Variants in CILP2 observed in about 807,000 individuals in gnomAD.
CILP2 encodes the protein CILP-2.
Under a neutral mutation model 45.6 loss-of-function variants are expected in CILP2, and 38 were observed. The observed-to-expected ratio is 0.83, with a 90% CI of 0.64 to 1.09. The LOEUF (loss-of-function observed/expected upper bound fraction) is 1.09, where lower values mean the gene tolerates loss of function less well. CILP2 is among the 50% of genes least tolerant of loss of function. The pLI is 0.00. For missense variants in CILP2, 1,735 were observed against 1,662.2 expected (o/e 1.04, Z -0.76); for synonymous variants, 780 against 723.5 (o/e 1.08, Z -1.25).
In CILP2 at chr19:19,540,199, C is replaced by A; in HGVS notation, c.164-5C>A. The A allele has an allele frequency of 6.3e-7, 1 of 1,578,280 alleles. No individual in the cohort carries two copies. The highest frequency in any genetic ancestry group is 1.1e-5 in the South Asian group (1 of 88,090). The stretch of plus-strand genomic sequence containing the variant: ...CCCTGGTCCCAGCGCGTGCGGTGCC[C>A]GCAGAGGCCAGCGAGTGGACGTCCT... On this transcript the variant is annotated splice_polypyrimidine_tract_variant and splice_region_variant and intron_variant, in intron 2 of 7. Transcript: ENST00000291495.
In CILP2 at chr19:19,544,470, T is replaced by A; in HGVS notation, c.1925T>A (p.Met642Lys). ...GELAPLRTYG[M>K]FSVDLRAPGS... ...CTGGCTCCACTGCGCACCTACGGCATGTTCTCCGTGGACCTCCGTGCGCCC... is the reference window on the plus strand; with the variant it reads ...CTGGCTCCACTGCGCACCTACGGCAAGTTCTCCGTGGACCTCCGTGCGCCC... Residue 642 changes from methionine to lysine, a missense_variant, in exon 8 of 8, where the codon ATG becomes AAG. Physicochemically the swap from Met to Lys is moderately conservative, Grantham distance 95. Coordinates refer to ENST00000291495, the MANE Select transcript of CILP2 (RefSeq NM_153221.2). The A allele has an allele frequency of 6.2e-7, 1 of 1,608,186 alleles. No individual in the cohort carries two copies.
rs557693665 is a variant in CILP2 at position 19,538,275 on chromosome 19, G to A, written c.-75G>A. ...CCCGCCCCCACTCTCAGTCCCAGCG[G>A]CCGCCAGACCCGCCGGAGTTGGACC... On this transcript the variant is annotated 5_prime_UTR_variant, in exon 1 of 8. Transcript: ENST00000291495. 1.4e-6 allele frequency: 2 copies of A among 1,406,046 alleles called. No homozygotes were observed. The highest frequency in any genetic ancestry group is 1.2e-5 in the South Asian group (1 of 80,832). The allele number at this position is 1,406,046 out of a possible 1,614,324, so 87.1% of individuals were successfully genotyped here.
At chr19:19,543,597 C>G in intron 7 of CILP2, 84 bp from the exon 8 acceptor site, 1 of 1,434,466 alleles carries the variant, frequency 7.0e-7, no homozygotes, top group African/African-American at 1.4e-5. Context: ...TAGGTGGAGT[C>G]CTTGACTGCA....
chr19:19,543,109 C>T, intron 6 of CILP2, 137 bp downstream of exon 6: 1 of 1,045,620 alleles, frequency 9.6e-7, no homozygotes, highest in Non-Finnish European at 1.4e-6. Flanking sequence ...GAGGGACTAC[C>T]AAGGAGGCTG....
At chr19:19,540,765 C>G (rs1192282211) in intron 3 of CILP2, 2 of 457,214 alleles carry the variant, frequency 4.4e-6, no homozygotes, top group Non-Finnish European at 7.6e-6. Context: ...CTCCCTCCCG[C>G]TGCCCTCATT....
In CILP2 at chr19:19,544,553, A is replaced by C; in HGVS notation, c.2008A>C (p.Ile670Leu). Residue 670 changes from isoleucine to leucine, a missense_variant, in exon 8 of 8, where the codon ATC becomes CTC. Ile to Leu is a conservative substitution (Grantham distance 5). Transcript: ENST00000291495. ...PVAVRVAASQ[I>L]HMPGHVEALK... ...GGCCGTGCGGGTGGCCGCCAGCCAG[A>C]TCCACATGCCAGGCCACGTGGAGGC... 6.3e-7 allele frequency: 1 copy of C among 1,580,412 alleles called. No homozygotes were observed. The highest frequency in any genetic ancestry group is 8.6e-7 in the Non-Finnish European group (1 of 1,169,374).
rs775866709 is a variant in CILP2 at position 19,544,759 on chromosome 19, C to A, written c.2214C>A (p.Phe738Leu). 11 of 1,606,814 alleles carry A rather than the reference C, an allele frequency of 6.8e-6. No homozygotes were observed. The highest frequency in any genetic ancestry group is 9.3e-6 in the Non-Finnish European group (11 of 1,179,406). ...NLDVPERRRC[F>L]VKVRAYANDK... ...ACGTGCCTGAGCGCCGCCGCTGCTT[C>A]GTGAAGGTGCGCGCCTACGCCAACG... is the stretch of plus-strand genomic sequence containing the variant. The change falls in exon 8 of 8, where the codon TTC (phenylalanine) becomes TTA (leucine). Residue 738 changes from phenylalanine to leucine, a missense_variant. Transcript: ENST00000291495.
chr19:19,538,393 C>T lies in CILP2; in HGVS notation c.44C>T (p.Ala15Val), dbSNP rs761824436. ...CTGCTCTGTCTCTGTGTCGTCGCTG[C>T]GCACCTGGCGGGGGCCCGAGGTGAG... ...LPLLCLCVVA[A>V]HLAGARDATP... Residue 15 changes from alanine (A) to valine (V), a missense_variant, in exon 1 of 8, where the codon GCG becomes GTG. By Grantham distance (64) the Ala-to-Val change is moderately conservative. Coordinates refer to ENST00000291495, the MANE Select transcript of CILP2 (RefSeq NM_153221.2). 1.3e-6 allele frequency: 2 copies of T among 1,563,664 alleles called. No individual in the cohort carries two copies. Among genetic ancestry groups the T allele is most frequent in the Non-Finnish European group, 8.6e-7 (1 of 1,163,180 alleles).
chr19:19,545,729 T>C lies in CILP2; in HGVS notation c.3184T>C (p.Tyr1062His), dbSNP rs1039071531. The C allele has an allele frequency of 1.9e-6, 3 of 1,613,134 alleles. No individual in the cohort carries two copies. The highest frequency in any genetic ancestry group is 2.5e-6 in the Non-Finnish European group (3 of 1,179,834). ...CCCTCTGGGCCACAACTATGGCGTC[T>C]ACACTGTCACTGACCAGAGCCCACG... ...LDPLGHNYGV[Y>H]TVTDQSPRLA... The change falls in exon 8 of 8, where the codon TAC becomes CAC. Residue 1062 changes from tyrosine to histidine, a missense_variant. Tyr to His is a moderately conservative substitution (Grantham distance 83). Coordinates refer to ENST00000291495, the MANE Select transcript of CILP2 (RefSeq NM_153221.2).
At position 19,544,224 on chromosome 19, in the gene CILP2, T is replaced by A. The variant is rs2061254779; in HGVS notation, c.1679T>A (p.Val560Asp). ...AAGGCCATGCGGAAGAAAGCCCCGG[T>A]CATTTTACATACCAGCCAGAGCAAC... The part of the protein sequence containing the change: ...EVKAMRKKAP[V>D]ILHTSQSNTI... The change falls in exon 8 of 8, where the codon GTC becomes GAC. Residue 560 changes from valine to aspartate, a missense_variant. Coordinates refer to ENST00000291495, the MANE Select transcript of CILP2 (RefSeq NM_153221.2). 1 of 1,613,762 alleles carries A rather than the reference T, an allele frequency of 6.2e-7. No homozygotes were observed. The highest frequency in any genetic ancestry group is 8.5e-7 in the Non-Finnish European group (1 of 1,179,962).
In CILP2 at chr19:19,544,144, C is replaced by G. The variant is rs2061254413; in HGVS notation, c.1599C>G (p.Asp533Glu). 1 of 1,613,790 alleles carries G rather than the reference C, an allele frequency of 6.2e-7. No homozygotes were observed. The highest frequency in any genetic ancestry group is 1.1e-5 in the South Asian group (1 of 91,096). The change falls in exon 8 of 8, where the codon GAC (aspartate) becomes GAG (glutamate). Residue 533 changes from aspartate (D) to glutamate (E), a missense_variant. Asp to Glu is a conservative substitution (Grantham distance 45). Transcript: ENST00000291495. The stretch of plus-strand genomic sequence containing the variant: ...TGGACCCCAGCGGTGAGTTCATGGA[C>G]GCTGTCCGGGTCTTGCCTTTTGATC... ...TFVDPSGEFM[D>E]AVRVLPFDPR...
chr19:19,541,288 G>C, intron 4 of CILP2, 42 bp downstream of exon 4: 1 of 1,264,150 alleles, frequency 7.9e-7, no homozygotes, highest in South Asian at 3.3e-5. Context: ...TGTACAGAGG[G>C]GAGGAAGGGG....
At position 19,541,098 on chromosome 19, in the gene CILP2, G is replaced by T. The variant is rs1278440115; in HGVS notation, c.444G>T (p.Ser148=). 1 of 1,261,694 alleles carries T rather than the reference G, an allele frequency of 7.9e-7. No individual in the cohort carries two copies. 78.2% of individuals were successfully genotyped at this position (1,261,694 alleles called of 1,614,324 possible). A position where few individuals can be genotyped will look rare whatever the true frequency, so the allele number is the denominator to read the frequency against. The change falls in exon 4 of 8, where the codon TCG becomes TCT. Residue 148 remains serine (S), a synonymous_variant. Transcript: ENST00000291495. Reference sequence around the variant, plus strand: ...CGTCCCTGCCTTCCGCAGAAGCCTCGTGGGGCGCGTGGGGCCCGTGGGGTC... The same window carrying T: ...CGTCCCTGCCTTCCGCAGAAGCCTCTTGGGGCGCGTGGGGCCCGTGGGGTC... ...HVRFRCPLEA[S]WGAWGPWGPC... is the part of the protein sequence containing the mutation.
intron 6 of CILP2, 30 bp from the exon 7 acceptor site, chr19:19,543,218 G>C: frequency 6.2e-7 from 1 of 1,608,558 alleles, no homozygotes; most frequent in East Asian, 2.2e-5. Context: ...CTCCCACTGA[G>C]TCCTATGGTG....
chr19:19,539,688 C>A lies in CILP2; in HGVS notation c.74C>A (p.Pro25His). ...AHLAGARDAT[P>H]TEEPMATALG... ...CACTCCTCACCCACAGACGCCACCCCCACCGAGGAGCCAATGGCGACTGCA... is the reference window on the plus strand; with the variant it reads ...CACTCCTCACCCACAGACGCCACCCACACCGAGGAGCCAATGGCGACTGCA... Residue 25 changes from proline to histidine, a missense_variant, in exon 2 of 8, where the codon CCC (proline) becomes CAC (histidine). Physicochemically the swap from Pro to His is moderately conservative, Grantham distance 77. Transcript: ENST00000291495. The A allele has an allele frequency of 6.3e-7, 1 of 1,589,304 alleles. No individual in the cohort carries two copies. The highest frequency in any genetic ancestry group is 8.6e-7 in the Non-Finnish European group (1 of 1,166,512).
chr19:19,539,580 A>AAGGGGG (rs61235376), intron 1 of CILP2, 99 bp from the exon 2 acceptor site: 2 of 555,090 alleles, frequency 3.6e-6, no homozygotes, highest in Non-Finnish European at 2.8e-6. Context: ...AAAAAAAAAA[A>AAGGGGG]GGGGGGGGAT....
chr19:19,538,360 T>C lies in CILP2; in HGVS notation c.11T>C (p.Leu4Pro). MASLLPLLCLCVVA... is the reference protein window; with the variant it reads MASPLPLLCLCVVA... ...CGCTCTGCCCCGGCCATGGCGTCGC[T>C]GCTGCCACTGCTCTGTCTCTGTGTC... Residue 4 changes from leucine (L) to proline (P), a missense_variant, in exon 1 of 8, where the codon CTG becomes CCG. By Grantham distance (98) the Leu-to-Pro change is moderately conservative. Coordinates refer to ENST00000291495, the MANE Select transcript of CILP2 (RefSeq NM_153221.2). 6.3e-7 allele frequency: 1 copy of C among 1,581,386 alleles called. No individual in the cohort carries two copies. The highest frequency in any genetic ancestry group is 8.5e-7 in the Non-Finnish European group (1 of 1,172,036).
intron 1 of CILP2, 84 bp from the exon 2 acceptor site, chr19:19,539,595 G>A (rs1397404266): frequency 3.8e-6 from 3 of 781,516 alleles, no homozygotes; most frequent in South Asian, 2.9e-5. Context: ...GGGGATGATC[G>A]TGGCTGCACC....
intron 1 of CILP2, among the ~76,000 whole-genome samples, chr19:19,538,824 G>A (rs2061232108): frequency 6.6e-6 from 1 of 152,228 alleles, no homozygotes; most frequent in Non-Finnish European, 1.5e-5. Flanking sequence ...AGGAGACTGA[G>A]GCACCCAGAA....
Sources: gnomAD v4.1 joint callset for allele counts (sites outside exome capture counted in the v4.1 genomes callset) on GRCh38, gnomAD v4.1.1 for gene constraint, MANE v1.5 for transcripts, NCBI Gene and HGNC (gene_info 2026-07-23, HGNC 2026-07-21) for gene names.